TSBP1: variants seen among roughly 807,000 people sequenced by gnomAD.
The protein encoded by TSBP1 is testis expressed basic protein 1, also known as testis-expressed basic protein 1.
A neutral mutation model predicts 68.8 loss-of-function variants in TSBP1; 56 were observed. The ratio of observed to expected loss-of-function variants is 0.81; its 90% confidence interval spans 0.66 to 1.02. The LOEUF is 1.02. Among genes scored for constraint, TSBP1 ranks in the 50% least tolerant of loss-of-function variants. The pLI, the probability that TSBP1 is intolerant of heterozygous loss-of-function variation, is 0.00. For missense variants in TSBP1, 502 were observed against 641.2 expected (o/e 0.78, Z 2.34); for synonymous variants, 171 against 208.7 (o/e 0.82, Z 1.56).
At chr6:32,346,751 T>C (rs1771047507) in intron 9 of TSBP1, among the ~76,000 whole-genome samples, 1 of 152,094 alleles carries the variant, frequency 6.6e-6, no homozygotes, top group African/African-American at 2.4e-5. Context: ...GGCACAAGAA[T>C]CGCTTGAACC....
rs183880206 is a variant in TSBP1, at chr6:32,357,531, C to T, written c.218-1862G>A. 3.8e-4 allele frequency among the ~76,000 whole-genome samples: 58 copies of T among 152,202 alleles called. 1 individual carries two copies. In the Middle Eastern group the frequency reaches 0.01, roughly 27 times the overall value. On this transcript the variant is annotated intron_variant, in intron 6 of 22. Transcript: ENST00000612031. This position sits in a 1 kb window ranked among gnomAD's most constrained non-coding sequence, Gnocchi z 4.7. ...AATTACTTTATTCATTTAAGAGGTACTTATTAAGGATCTCCCTCGCTGTGG... is the reference window on the plus strand; with the variant it reads ...AATTACTTTATTCATTTAAGAGGTATTTATTAAGGATCTCCCTCGCTGTGG...
At position 32,365,844 on chromosome 6, in the gene TSBP1, T is replaced by C; in HGVS notation, c.217+323A>G. On this transcript the variant is annotated intron_variant, in intron 6 of 22. Coordinates refer to ENST00000612031, the Ensembl canonical transcript of TSBP1. This position sits in a 1 kb window ranked among gnomAD's most constrained non-coding sequence, Gnocchi z 4.3. ...GACTCCTGGACTCCCACAATGGTAT[T>C]GTCTCATCTGTGGATAGTTGTCTAA... 4.3e-6 allele frequency: 2 copies of C among 467,484 alleles called. No individual in the cohort carries two copies. Among genetic ancestry groups the C allele is most frequent in the Non-Finnish European group, 8.3e-6 (2 of 240,262 alleles). 29.0% of individuals were successfully genotyped at this position (467,484 alleles called of 1,614,324 possible).
rs775321783 is a variant in TSBP1, at chr6:32,335,918, G to A, written c.445C>T (p.Pro149Ser). 8.7e-6 allele frequency: 14 copies of A among 1,609,216 alleles called. No individual in the cohort carries two copies. Among genetic ancestry groups the A allele is most frequent in the Non-Finnish European group, 1.2e-5 (14 of 1,177,416 alleles). The change falls in exon 13 of 23, where the codon CCT becomes TCT. Residue 149 changes from proline (P) to serine (S), a missense_variant. By Grantham distance (74) the Pro-to-Ser change is moderately conservative (BLOSUM62 -1). Transcript: ENST00000612031. This position sits in a 1 kb window ranked among gnomAD's most constrained non-coding sequence, Gnocchi z 5.5. ...AATCAGAGAGCAAACTTACTGATAG[G>A]TCCTGTAGCTCCGGCTGTGAGAGAG...
At chr6:32,370,053 A>G in intron 1 of TSBP1, 70 bp from the exon 2 acceptor site, 1 of 928,096 alleles carries the variant, frequency 1.1e-6, no homozygotes, top group Non-Finnish European at 1.8e-6. Flanking sequence ...ACTTCTGATC[A>G]CCTCTTACTA....
intron 4 of TSBP1, 55 bp downstream of exon 4, chr6:32,367,870 C>T: frequency 1.5e-6 from 2 of 1,320,176 alleles, no homozygotes; most frequent in Non-Finnish European, 2.1e-6. Context: ...AGTTGATTCA[C>T]ACTCTAAAGA....
chr6:32,322,873 T>C (rs2143603), intron 18 of TSBP1, among the ~76,000 whole-genome samples: 2,974 of 151,818 alleles, frequency 0.02, 46 homozygotes, highest in Middle Eastern at 0.037. Context: ...GGATTTCATC[T>C]CTCTCTCTCT....
intron 20 of TSBP1, among the ~76,000 whole-genome samples, chr6:32,301,231 C>T (rs115587548): frequency 0.046 from 6,996 of 151,914 alleles, 362 homozygotes; most frequent in African/African-American, 0.13. Flanking sequence ...AGTTTCATCA[C>T]GTTGCCCAGG....
At position 32,323,148 on chromosome 6, in the gene TSBP1, A is replaced by G; in HGVS notation, c.539-11T>C. 1 of 1,557,806 alleles carries G rather than the reference A, an allele frequency of 6.4e-7. No individual in the cohort carries two copies. The highest frequency in any genetic ancestry group is 8.8e-7 in the Non-Finnish European group (1 of 1,131,582). Reference sequence around the variant, plus strand: ...GTGCCATGGGTGGACCTAAAAACCAAAGTAGATATTGGTGAAGATTTCTTT... The same window carrying G: ...GTGCCATGGGTGGACCTAAAAACCAGAGTAGATATTGGTGAAGATTTCTTT... On this transcript the variant is annotated splice_polypyrimidine_tract_variant and intron_variant, in intron 17 of 22. Transcript: ENST00000612031.
chr6:32,345,272 C>T (rs1224328289), intron 9 of TSBP1, among the ~76,000 whole-genome samples: 2 of 150,690 alleles, frequency 1.3e-5, no homozygotes, highest in African/African-American at 4.9e-5. Context: ...TATCTGTTTG[C>T]TCTCATTTCT....
chr6:32,323,185 G>C (rs1380080154), intron 17 of TSBP1, 48 bp from the exon 19 acceptor site: 6 of 1,311,086 alleles, frequency 4.6e-6, no homozygotes, highest in Non-Finnish European at 6.6e-6. Flanking sequence ...AAAGAAACAA[G>C]GTTCCCTCTA....
chr6:32,371,063 C>T (rs1031695423), intron 1 of TSBP1, among the ~76,000 whole-genome samples: 2 of 152,200 alleles, frequency 1.3e-5, no homozygotes, highest in South Asian at 2.1e-4. Flanking sequence ...TCTACTGAGT[C>T]TTCTAGGTGT....
chr6:32,358,792 A>G (rs1478788006), intron 6 of TSBP1, among the ~76,000 whole-genome samples: 1 of 151,824 alleles, frequency 6.6e-6, no homozygotes, highest in African/African-American at 2.4e-5. Flanking sequence ...TATGTGCCAC[A>G]TTTTCTTAAT....
At chr6:32,324,675 T>A (rs1452383834) in intron 16 of TSBP1, 1 of 1,550,860 alleles carries the variant, frequency 6.4e-7, no homozygotes, top group African/African-American at 1.4e-5. Context: ...GAGGATGCGA[T>A]CTGACTGAAA....
At chr6:32,300,305 A>G (rs1582969466) in intron 21 of TSBP1, among the ~76,000 whole-genome samples, 1 of 151,888 alleles carries the variant, frequency 6.6e-6, no homozygotes, top group Non-Finnish European at 1.5e-5. Flanking sequence ...TTGTTGATCA[A>G]TTACCAAAAT....
chr6:32,371,455 C>T (rs150861620), intron 1 of TSBP1, among the ~76,000 whole-genome samples: 4 of 152,236 alleles, frequency 2.6e-5, no homozygotes, highest in African/African-American at 9.6e-5. Flanking sequence ...TTTCTTTGTT[C>T]AGTTTAAACT....
intron 16 of TSBP1, among the ~76,000 whole-genome samples, chr6:32,324,168 T>C (rs745836686): frequency 6.6e-6 from 1 of 152,282 alleles, no homozygotes; most frequent in African/African-American, 2.4e-5. Flanking sequence ...AAATAACAAC[T>C]TAAAGTTGTT....
intron 7 of TSBP1, 53 bp downstream of exon 7, chr6:32,355,596 G>T: frequency 6.3e-7 from 1 of 1,582,456 alleles, no homozygotes. Flanking sequence ...ACAATCTAGG[G>T]AAATGTTACT....
chr6:32,350,746 T>G, intron 8 of TSBP1, among the ~76,000 whole-genome samples: 1 of 152,214 alleles, frequency 6.6e-6, no homozygotes. Context: ...TTTTGGTATA[T>G]CTGAGTGGGC....
In TSBP1 at chr6:32,337,205, A is replaced by G. The variant is rs1562136644; in HGVS notation, c.410-570T>C. Among the ~76,000 whole-genome samples, 1 of 152,254 alleles carries G rather than the reference A, an allele frequency of 6.6e-6. No homozygotes were observed. The highest frequency in any genetic ancestry group is 1.5e-5 in the Non-Finnish European group (1 of 68,054). ...AAATTCTTCCTGGGAAAACATCACAAATGTAGACACCAGGAGCAAAATTTC... is the reference window on the plus strand; with the variant it reads ...AAATTCTTCCTGGGAAAACATCACAGATGTAGACACCAGGAGCAAAATTTC... On this transcript the variant is annotated intron_variant, in intron 11 of 22. Coordinates refer to ENST00000612031, the Ensembl canonical transcript of TSBP1. This position sits in a 1 kb window ranked among gnomAD's most constrained non-coding sequence, Gnocchi z 5.5.
Sources: gnomAD v4.1 joint callset for allele counts (sites outside exome capture counted in the v4.1 genomes callset) on GRCh38, gnomAD v4.1.1 for gene constraint, Gnocchi (gnomAD v3.1) non-coding constraint, MANE v1.5 for transcripts, NCBI Gene and HGNC (gene_info 2026-07-23, HGNC 2026-07-21) for gene names.